Variants in MCTP1 observed in about 807,000 individuals in gnomAD.
MCTP1 encodes multiple C2 and transmembrane domain containing 1.
A neutral mutation model predicts 120.6 loss-of-function variants in MCTP1; 69 were observed. The ratio of observed to expected loss-of-function variants is 0.57; its 90% CI spans 0.47 to 0.70. MCTP1 has a LOEUF of 0.70. Among genes scored for constraint, MCTP1 ranks in the 30% least tolerant of loss-of-function variants. The probability of loss-of-function intolerance (pLI) is 0.00; values close to 1 mark genes in which losing one functional copy is unlikely to be tolerated. For synonymous variants in MCTP1, 529 were observed against 493.1 expected (o/e 1.07, Z -0.96); for missense variants, 1,203 against 1,248.8 (o/e 0.96, Z 0.55).
chr5:94,913,127 T>C (rs1809197835), intron 8 of MCTP1, 151 bp from the exon 9 acceptor site: 1 of 288,150 alleles, frequency 3.5e-6, no homozygotes, highest in Non-Finnish European at 6.2e-6. Flanking sequence ...AATTATTAAT[T>C]AATTATAAAA....
chr5:95,127,663 G>C (rs1582310597), intron 1 of MCTP1, among the ~76,000 whole-genome samples: 2 of 152,158 alleles, frequency 1.3e-5, no homozygotes, highest in East Asian at 3.9e-4. Flanking sequence ...AAAAGAACCG[G>C]GGAAGGAAGC....
chr5:95,117,981 G>C (rs1018615120), intron 1 of MCTP1, among the ~76,000 whole-genome samples: 1 of 152,180 alleles, frequency 6.6e-6, no homozygotes, highest in Non-Finnish European at 1.5e-5. Flanking sequence ...CACGGACACA[G>C]GGAGAAGAAA....
At chr5:94,929,622 C>T in intron 6 of MCTP1, 1 of 967,244 alleles carries the variant, frequency 1.0e-6, no homozygotes, top group Non-Finnish European at 1.2e-6. Context: ...CAGTATAGTC[C>T]CTTACCCCTT....
intron 2 of MCTP1, among the ~76,000 whole-genome samples, chr5:94,956,796 G>C (rs774182335): frequency 3.3e-5 from 5 of 152,200 alleles, no homozygotes; most frequent in Admixed American, 6.5e-5. Flanking sequence ...CGTTTGATTG[G>C]TGTACCTGAA....
Position 95,284,281 on chromosome 5 carries a change from G to A in MCTP1, c.295C>T (p.Leu99=), listed in dbSNP as rs780553988. 11 of 1,596,930 alleles carry A rather than the reference G, an allele frequency of 6.9e-6. No individual in the cohort carries two copies. Among genetic ancestry groups the A allele is most frequent in the South Asian group, 3.3e-5 (3 of 90,862 alleles). The stretch of plus-strand genomic sequence containing the variant: ...AGGGGCTCCGGCGACGAGCAGCACA[G>A]GTTGGGCTGCGAGGAGGAGAAGACT... ...DRVFSSSQPN[L]CCSSPEPLEP... The change falls in exon 1 of 23, where the codon CTG becomes TTG. Residue 99 remains leucine (L), a synonymous_variant. Coordinates refer to ENST00000515393, the MANE Select transcript of MCTP1 (RefSeq NM_024717.7). The surrounding 1 kb of genome is among the most constrained non-coding windows in gnomAD (Gnocchi z 5.2).
At chr5:95,193,140 TAGA>T (rs984258232) in intron 1 of MCTP1, among the ~76,000 whole-genome samples, 1 of 152,166 alleles carries the variant, frequency 6.6e-6, no homozygotes, top group African/African-American at 2.4e-5. Flanking sequence ...TGGAGCATGA[TAGA>T]AGTTTAATAA....
At chr5:95,224,655 G>A (rs902315761) in intron 1 of MCTP1, among the ~76,000 whole-genome samples, 3 of 151,992 alleles carry the variant, frequency 2.0e-5, no homozygotes, top group African/African-American at 7.3e-5. Flanking sequence ...GTATAGGAAT[G>A]CACCACCACA....
intron 2 of MCTP1, among the ~76,000 whole-genome samples, chr5:94,981,409 T>C (rs895378734): frequency 6.6e-6 from 1 of 152,212 alleles, no homozygotes; most frequent in African/African-American, 2.4e-5. Flanking sequence ...TCAGAGTGAA[T>C]AAATTCTCCT....
chr5:94,753,282 C>T (rs1768930054), intron 19 of MCTP1, among the ~76,000 whole-genome samples: 1 of 152,216 alleles, frequency 6.6e-6, no homozygotes, highest in Non-Finnish European at 1.5e-5. Context: ...CTTGCAATTT[C>T]TAGGAAACAC....
intron 1 of MCTP1, among the ~76,000 whole-genome samples, chr5:95,146,931 T>C (rs1476607078): frequency 6.6e-6 from 1 of 152,180 alleles, no homozygotes; most frequent in African/African-American, 2.4e-5. Flanking sequence ...AGAATTTCTT[T>C]GTTAGTTTTA....
rs183611313 is a variant in MCTP1 at position 95,001,755 on chromosome 5, C to A, written c.838+15612G>T. On this transcript the variant is annotated intron_variant, in intron 2 of 22. Coordinates refer to ENST00000515393, the MANE Select transcript of MCTP1 (RefSeq NM_024717.7). ...GCATAAAAGTTTGGAAAATTTGCAG[C>A]CTGATGATGCCATAGAAAAGAAAAA... Among the ~76,000 whole-genome samples the A allele has an allele frequency of 4.2e-3, 639 of 152,228 alleles. 3 individuals are homozygous for A. The highest frequency in any genetic ancestry group is 0.015 in the African/African-American group (608 of 41,532).
At chr5:94,935,689 T>C (rs908007163) in intron 5 of MCTP1, among the ~76,000 whole-genome samples, 7 of 152,070 alleles carry the variant, frequency 4.6e-5, no homozygotes, top group Non-Finnish European at 5.9e-5. Context: ...TTGAAATAAA[T>C]TATTTCTGAG....
chr5:95,089,680 C>T (rs1755700175), intron 1 of MCTP1, among the ~76,000 whole-genome samples: 1 of 152,160 alleles, frequency 6.6e-6, no homozygotes, highest in African/African-American at 2.4e-5. Flanking sequence ...TCCAGAGGGT[C>T]TCTCTTTTTA....
chr5:94,715,596 C>G (rs1465429674), intron 19 of MCTP1, among the ~76,000 whole-genome samples: 1 of 152,068 alleles, frequency 6.6e-6, no homozygotes, highest in Admixed American at 6.6e-5. Flanking sequence ...CTGGTGTGCT[C>G]CAGGTAATGG....
At chr5:95,193,426 C>G (rs1391417200) in intron 1 of MCTP1, among the ~76,000 whole-genome samples, 1 of 152,112 alleles carries the variant, frequency 6.6e-6, no homozygotes, top group Admixed American at 6.6e-5. Context: ...TCTGAGAAAA[C>G]AGATTATAAT....
chr5:94,809,752 A>G (rs1377895801), intron 17 of MCTP1, among the ~76,000 whole-genome samples: 1 of 152,156 alleles, frequency 6.6e-6, no homozygotes, highest in Non-Finnish European at 1.5e-5. Flanking sequence ...AGTTGCTGGA[A>G]TCAAGTAACA....
chr5:95,045,218 G>A (rs1582006494), intron 1 of MCTP1, among the ~76,000 whole-genome samples: 3 of 152,214 alleles, frequency 2.0e-5, no homozygotes, highest in Non-Finnish European at 2.9e-5. Flanking sequence ...TTCTCATCCT[G>A]GAGCTCTCAG....
At chr5:95,123,207 TG>T (rs1182354256) in intron 1 of MCTP1, among the ~76,000 whole-genome samples, 1 of 152,190 alleles carries the variant, frequency 6.6e-6, no homozygotes, top group Non-Finnish European at 1.5e-5. Context: ...ATTACATGCC[TG>T]TATCAAAACA....
At position 95,075,931 on chromosome 5, in the gene MCTP1, A is replaced by T. The variant is rs778151762; in HGVS notation, c.721-58447T>A. On this transcript the variant is annotated intron_variant, in intron 1 of 22. Transcript: ENST00000515393. Reference sequence around the variant, plus strand: ...TAAAACCAGTAATAAGGCTACAGAGACTTCCTCTGTCTGGTGTATTAATGA... The same window carrying T: ...TAAAACCAGTAATAAGGCTACAGAGTCTTCCTCTGTCTGGTGTATTAATGA... Among the ~76,000 whole-genome samples, 36 of 152,280 alleles carry T rather than the reference A, an allele frequency of 2.4e-4. No individual in the cohort carries two copies. In the East Asian group the frequency reaches 6.4e-3, roughly 27 times the overall value.
Sources: allele counts gnomAD v4.1 joint callset (sites outside exome capture counted in the v4.1 genomes callset), GRCh38; gene constraint gnomAD v4.1.1; non-coding constraint Gnocchi (gnomAD v3.1); transcripts MANE v1.5; gene names NCBI Gene and HGNC (gene_info 2026-07-23, HGNC 2026-07-21).